The following ETV7 variants were observed in gnomAD, a reference collection of about 807,000 sequenced individuals.
ETV7 encodes ETS variant transcription factor 7.
In ETV7, 43 loss-of-function variants were observed where a neutral mutation model predicts 39.1. The observed-to-expected ratio is 1.10, with a 90% CI of 0.86 to 1.42. The LOEUF is 1.42. Ranked by LOEUF, ETV7 falls within the 40% of genes most tolerant of loss-of-function variation. The pLI is 0.00. For missense variants in ETV7, 432 were observed against 442.3 expected, an observed-to-expected ratio of 0.98 and a Z score of 0.21; for synonymous variants, 196 against 176.6, an observed-to-expected ratio of 1.11 and a Z score of -0.87.
At chr6:36,371,235 T>C (rs764769677) in intron 5 of ETV7, 95 bp downstream of exon 5, 309 of 1,216,126 alleles carry the variant, frequency 2.5e-4, no homozygotes, top group Non-Finnish European at 3.3e-4. Context: ...AGACCTCCCA[T>C]CACCAGGTCA....
chr6:36,386,892 T>C (rs1215803147), intron 1 of ETV7: 4 of 153,248 alleles, frequency 2.6e-5, no homozygotes, highest in South Asian at 2.0e-4. Context: ...CAAGGAGGCT[T>C]GCAGGAGGCT....
At chr6:36,354,944 T>C (rs991777686) in intron 7 of ETV7, among the ~76,000 whole-genome samples, 8 of 152,266 alleles carry the variant, frequency 5.3e-5, no homozygotes, top group African/African-American at 1.7e-4. Flanking sequence ...AGGTTGTTCA[T>C]TGTCATAGAT....
chr6:36,354,158 T>A (rs1291296498), exon 8 of ETV7: 1 of 151,818 alleles, frequency 6.6e-6, no homozygotes, highest in African/African-American at 2.4e-5. Context: ...AATTCTTTTA[T>A]CAGATATATG....
Position 36,366,511 on chromosome 6 carries a change from A to G in ETV7, c.*134T>C. The G allele has an allele frequency of 6.5e-7, 1 of 1,529,708 alleles. No homozygotes were observed. The allele number at this position is 1,529,708 out of a possible 1,614,324, so 94.8% of individuals were successfully genotyped here. Reference sequence around the variant, plus strand: ...GGATGGGAGGCCTCCCAGCCTTCCCAAGCAATGGCTGTAATCCTGTGGGTA... The same window carrying G: ...GGATGGGAGGCCTCCCAGCCTTCCCGAGCAATGGCTGTAATCCTGTGGGTA... On this transcript the variant is annotated 3_prime_UTR_variant, in exon 8 of 8. Transcript: ENST00000340181.
chr6:36,376,202 T>C (rs997817068), intron 2 of ETV7, among the ~76,000 whole-genome samples, 167 bp from the exon 3 acceptor site: 24 of 152,374 alleles, frequency 1.6e-4, no homozygotes, highest in Admixed American at 5.2e-4. Context: ...ACGTTCTTTG[T>C]AATTACATTT....
chr6:36,385,105 G>A (rs1265756353), intron 2 of ETV7, among the ~76,000 whole-genome samples: 2 of 152,038 alleles, frequency 1.3e-5, no homozygotes, highest in South Asian at 2.1e-4. Context: ...AGCCGAGATG[G>A]GAGGATTACT....
At chr6:36,374,048 G>A (rs1401788519) in intron 3 of ETV7, among the ~76,000 whole-genome samples, 1 of 152,166 alleles carries the variant, frequency 6.6e-6, no homozygotes, top group African/African-American at 2.4e-5. Flanking sequence ...ATGAGTAGCT[G>A]CTTCAATAAA....
downstream of ETV7, among the ~76,000 whole-genome samples, chr6:36,363,389 C>T (rs375908269): frequency 1.7e-4 from 25 of 150,050 alleles, no homozygotes; most frequent in South Asian, 8.8e-4. Context: ...CCCGTGGGCT[C>T]ATGGGCTCGC....
rs1446053842 is a variant in ETV7, at chr6:36,375,813, G to A, written c.307+58C>T. On this transcript the variant is annotated intron_variant, in intron 3 of 7. Transcript: ENST00000340181. ...CTCCCTGGGCCCCCCGGGGGTACTT[G>A]GGCCATCCTGGCCTACCAGGGTTCC... The A allele has an allele frequency of 1.7e-5, 27 of 1,610,990 alleles. No individual in the cohort carries two copies. In the Admixed American group the frequency reaches 4.0e-4, roughly 24 times the overall value.
At chr6:36,359,921 C>T (rs1011226720) in intron 7 of ETV7, among the ~76,000 whole-genome samples, 2 of 151,474 alleles carry the variant, frequency 1.3e-5, no homozygotes, top group Non-Finnish European at 1.5e-5. Context: ...CTTTTGAGAC[C>T]GAGTCTCACT....
downstream of ETV7, among the ~76,000 whole-genome samples, chr6:36,362,783 C>T (rs569588114): frequency 6.6e-6 from 1 of 152,204 alleles, no homozygotes; most frequent in African/African-American, 2.4e-5. Flanking sequence ...TAGCCCAACC[C>T]GGCCATGATG....
At chr6:36,374,937 C>T (rs1019657614) in intron 3 of ETV7, among the ~76,000 whole-genome samples, 35 of 152,208 alleles carry the variant, frequency 2.3e-4, no homozygotes, top group African/African-American at 7.2e-4. Flanking sequence ...GGCGTGGTGG[C>T]AGGCGCCTGT....
chr6:36,370,259 G>C (rs1382980742), intron 5 of ETV7, among the ~76,000 whole-genome samples: 1 of 152,178 alleles, frequency 6.6e-6, no homozygotes, highest in Non-Finnish European at 1.5e-5. Context: ...TCACAGGCCG[G>C]CACGGTGGTT....
intron 2 of ETV7, among the ~76,000 whole-genome samples, chr6:36,384,047 G>A (rs1773778823): frequency 6.6e-6 from 1 of 152,186 alleles, no homozygotes; most frequent in African/African-American, 2.4e-5. Flanking sequence ...GGAAGTGAGT[G>A]GATAATCCCC....
chr6:36,381,898 GC>G lies in ETV7; in HGVS notation c.142+3635del, dbSNP rs1773674082. Among the ~76,000 whole-genome samples, 3 of 152,298 alleles carry G rather than the reference GC, an allele frequency of 2.0e-5. No homozygotes were observed. The South Asian group carries it at 6.2e-4, about 32-fold the overall frequency. On this transcript the variant is annotated intron_variant, in intron 2 of 7. Coordinates refer to ENST00000340181, the MANE Select transcript of ETV7 (RefSeq NM_016135.4). ...ATGCATATGGTCTAGCCCAGACCCT[GC>G]ATTTAGGGAGGGGAGAGGTTCTTTA...
intron 2 of ETV7, among the ~76,000 whole-genome samples, chr6:36,383,412 A>G (rs1458559207): frequency 1.3e-5 from 2 of 152,208 alleles, no homozygotes; most frequent in African/African-American, 2.4e-5. Flanking sequence ...AACACAAAAA[A>G]AGTGAGCTCT....
chr6:36,359,842 T>G (rs909280942), intron 7 of ETV7, among the ~76,000 whole-genome samples: 3 of 152,140 alleles, frequency 2.0e-5, no homozygotes, highest in African/African-American at 4.8e-5. Context: ...AAGTAGAAAG[T>G]GAGTCCTAGA....
downstream of ETV7, among the ~76,000 whole-genome samples, chr6:36,361,491 T>G (rs1353687877): frequency 1.3e-5 from 2 of 152,248 alleles, no homozygotes; most frequent in African/African-American, 4.8e-5. Flanking sequence ...AGGAAGACTG[T>G]GGCCCTAGGA....
At chr6:36,376,857 C>T (rs61212666) in intron 2 of ETV7, among the ~76,000 whole-genome samples, 2 of 151,810 alleles carry the variant, frequency 1.3e-5, no homozygotes, top group Admixed American at 1.3e-4. Context: ...AAGTGACTAG[C>T]CCACACGCAT....
Sources: gnomAD v4.1 joint callset for allele counts (sites outside exome capture counted in the v4.1 genomes callset) on GRCh38, gnomAD v4.1.1 for gene constraint, MANE v1.5 for transcripts, NCBI Gene and HGNC (gene_info 2026-07-23, HGNC 2026-07-21) for gene names.